The following AKAP19 variants were observed in gnomAD, a reference collection of about 807,000 sequenced individuals.
The protein encoded by AKAP19 is A-kinase anchoring protein 19, also known as small A-kinase anchoring protein.
At chr2:190,173,594 C>G in the AKAP19 span, among the ~76,000 whole-genome samples, 1 of 152,144 alleles carries the variant, frequency 6.6e-6, no homozygotes, top group Non-Finnish European at 1.5e-5. Flanking sequence ...GTAAAAATCT[C>G]CCTCATAGCT....
At chr2:190,000,044 G>A in the AKAP19 span, among the ~76,000 whole-genome samples, 12 of 152,200 alleles carry the variant, frequency 7.9e-5, no homozygotes, top group Non-Finnish European at 1.5e-4. Context: ...ACTTCTAGCA[G>A]TACAGGAACT....
the AKAP19 span, among the ~76,000 whole-genome samples, chr2:189,915,174 G>T: frequency 4.0e-5 from 6 of 150,700 alleles, no homozygotes; most frequent in African/African-American, 1.5e-4. Context: ...CACTAGAACT[G>T]TTTTTTTTTA....
At chr2:190,039,607 T>A in the AKAP19 span, among the ~76,000 whole-genome samples, 2 of 152,098 alleles carry the variant, frequency 1.3e-5, no homozygotes, top group African/African-American at 4.8e-5. Context: ...TTGTACATAT[T>A]ATTTACCACC....
chr2:190,061,772 G>A, the AKAP19 span, among the ~76,000 whole-genome samples: 1 of 151,170 alleles, frequency 6.6e-6, no homozygotes, highest in Non-Finnish European at 1.5e-5. Context: ...GAAATCACTT[G>A]AGGTTTTCAG....
chr2:190,087,563 A>G, the AKAP19 span, among the ~76,000 whole-genome samples: 1 of 152,226 alleles, frequency 6.6e-6, no homozygotes, highest in Admixed American at 6.5e-5. Context: ...GGCCCGTCCT[A>G]AAACTCTTCC....
the AKAP19 span, among the ~76,000 whole-genome samples, chr2:190,019,284 G>A: frequency 6.6e-6 from 1 of 152,150 alleles, no homozygotes; most frequent in African/African-American, 2.4e-5. Context: ...AGAGCTTGGG[G>A]TGGTCTCTGA....
chr2:190,013,068 A>G, the AKAP19 span, among the ~76,000 whole-genome samples: 9 of 152,154 alleles, frequency 5.9e-5, no homozygotes, highest in African/African-American at 2.2e-4. Context: ...CTGGCCCATA[A>G]TTTTCTTTGC....
chr2:190,031,506 T>C, the AKAP19 span, among the ~76,000 whole-genome samples: 1 of 152,146 alleles, frequency 6.6e-6, no homozygotes, highest in Non-Finnish European at 1.5e-5. Context: ...TATTTTTCAC[T>C]TGACAATGGT....
At chr2:189,900,260 A>T in the AKAP19 span, among the ~76,000 whole-genome samples, 1 of 152,182 alleles carries the variant, frequency 6.6e-6, no homozygotes, top group African/African-American at 2.4e-5. Context: ...TCTTCGGGAT[A>T]AATTCACAAA....
At chr2:190,056,879 T>C in the AKAP19 span, 1 of 228,432 alleles carries the variant, frequency 4.4e-6, no homozygotes, top group East Asian at 1.1e-4. Flanking sequence ...CAATACTGTA[T>C]GTGGATTTTT....
At chr2:189,965,234 C>T in the AKAP19 span, among the ~76,000 whole-genome samples, 14 of 152,042 alleles carry the variant, frequency 9.2e-5, no homozygotes, top group South Asian at 8.3e-4. Context: ...TTAAGTTTGC[C>T]GTCTTATATG....
the AKAP19 span, among the ~76,000 whole-genome samples, chr2:190,189,514 A>G: frequency 2.0e-5 from 3 of 152,234 alleles, no homozygotes; most frequent in East Asian, 5.8e-4. Context: ...TCTATCCTTA[A>G]TAGATACGGC....
the AKAP19 span, among the ~76,000 whole-genome samples, chr2:189,902,892 C>G: frequency 6.6e-6 from 1 of 150,910 alleles, no homozygotes; most frequent in Non-Finnish European, 1.5e-5. Flanking sequence ...TGTTAAAGTG[C>G]ATTAAATAAA....
chr2:189,967,808 T>G, the AKAP19 span, among the ~76,000 whole-genome samples: 1 of 148,194 alleles, frequency 6.7e-6, no homozygotes, highest in Admixed American at 6.7e-5. Flanking sequence ...CTGGGCAACA[T>G]AATGAGACCC....
chr2:189,925,268 A>C, the AKAP19 span, among the ~76,000 whole-genome samples: 2 of 151,912 alleles, frequency 1.3e-5, no homozygotes, highest in African/African-American at 4.8e-5. Context: ...CAGGAATGTA[A>C]TCCTCGGTGG....
chr2:190,078,096 C>G, the AKAP19 span, among the ~76,000 whole-genome samples: 3 of 152,132 alleles, frequency 2.0e-5, no homozygotes, highest in African/African-American at 4.8e-5. Flanking sequence ...GCATAGCTCC[C>G]TCCTCTCCAG....
At chr2:190,015,415 T>C in the AKAP19 span, among the ~76,000 whole-genome samples, 2 of 152,114 alleles carry the variant, frequency 1.3e-5, no homozygotes, top group Non-Finnish European at 2.9e-5. Flanking sequence ...TTAGCCATGG[T>C]TGGGATGCAG....
the AKAP19 span, among the ~76,000 whole-genome samples, chr2:190,048,396 A>G: frequency 6.6e-6 from 1 of 152,274 alleles, no homozygotes; most frequent in Non-Finnish European, 1.5e-5. Context: ...GCCATGTGCT[A>G]GACACCATAA....
chr2:189,970,649 C>T, the AKAP19 span, among the ~76,000 whole-genome samples: 1 of 152,168 alleles, frequency 6.6e-6, no homozygotes, highest in Non-Finnish European at 1.5e-5. Context: ...TTATCAAGAA[C>T]ACTGCTATGT....
Sources: allele counts gnomAD v4.1 joint callset (sites outside exome capture counted in the v4.1 genomes callset), GRCh38; gene constraint gnomAD v4.1.1; transcripts MANE v1.5; gene names NCBI Gene and HGNC (gene_info 2026-07-23, HGNC 2026-07-21).